Variants in WWOX observed in about 807,000 individuals in gnomAD.
The protein encoded by WWOX is WW domain-containing oxidoreductase.
WWOX carries 69 observed loss-of-function variants against 46.2 expected under a neutral mutation model. That is an observed-to-expected ratio of 1.49 (90% CI 1.23 to 1.82). The LOEUF is 1.82. WWOX is among the 40% of genes most tolerant of loss of function. The pLI is 0.00. For missense variants in WWOX, 919 were observed against 542.6 expected (o/e 1.69, Z -6.89); for synonymous variants, 359 against 202.6 (o/e 1.77, Z -6.56).
At chr16:78,836,880 G>A (rs1157153008) in intron 8 of WWOX, among the ~76,000 whole-genome samples, 1 of 152,080 alleles carries the variant, frequency 6.6e-6, no homozygotes, top group African/African-American at 2.4e-5. Flanking sequence ...GCAGTAGATG[G>A]GCTTTTGCGA....
chr16:78,560,545 G>A, intron 8 of WWOX, among the ~76,000 whole-genome samples: 1 of 152,210 alleles, frequency 6.6e-6, no homozygotes, highest in Non-Finnish European at 1.5e-5. Context: ...TTGGGAGGCT[G>A]AGGCAGGAGA....
chr16:78,590,858 G>C (rs923262645), intron 8 of WWOX, among the ~76,000 whole-genome samples: 1 of 152,184 alleles, frequency 6.6e-6, no homozygotes, highest in Non-Finnish European at 1.5e-5. Context: ...GAGTTGTTAA[G>C]AGCTCAGACT....
intron 1 of WWOX, among the ~76,000 whole-genome samples, chr16:78,102,394 G>A (rs932058638): frequency 4.6e-5 from 7 of 152,216 alleles, no homozygotes; most frequent in Non-Finnish European, 7.3e-5. Context: ...TCTGTGCCTT[G>A]CCGAGAAGCT....
chr16:78,977,688 A>T (rs528451127), intron 8 of WWOX, among the ~76,000 whole-genome samples: 44 of 152,218 alleles, frequency 2.9e-4, no homozygotes, highest in Admixed American at 3.9e-4. Context: ...GTTCTGACAG[A>T]GGGCTCGGAT....
intron 8 of WWOX, among the ~76,000 whole-genome samples, chr16:79,053,521 G>C (rs964406234): frequency 2.2e-4 from 33 of 152,162 alleles, no homozygotes; most frequent in Non-Finnish European, 4.7e-4. Context: ...GCTACGGCTT[G>C]ACTTTTTGCT....
rs111871028 is a variant in WWOX at position 78,858,330 on chromosome 16, A to ATATGTG, written c.1057-353277_1057-353276insATGTGT. On this transcript the variant is annotated intron_variant, in intron 8 of 8. Coordinates refer to ENST00000566780, the MANE Select transcript of WWOX (RefSeq NM_016373.4). ...ACCCAATATGTAGTCATATATATAT[A>ATATGTG]TGTGTGTGTGTGTGTGTATGTATAT... Among the ~76,000 whole-genome samples the ATATGTG allele has an allele frequency of 3.4e-4, 51 of 149,932 alleles. No individual in the cohort carries two copies. The East Asian group carries it at 5.0e-3, about 15-fold the overall frequency.
chr16:78,130,815 G>A (rs1480790762), intron 4 of WWOX, among the ~76,000 whole-genome samples: 3 of 152,216 alleles, frequency 2.0e-5, no homozygotes, highest in African/African-American at 7.2e-5. Flanking sequence ...CCCTGCCCTT[G>A]TGGAGGATAC....
chr16:78,463,560 G>C (rs939235790), intron 8 of WWOX, among the ~76,000 whole-genome samples: 1 of 152,174 alleles, frequency 6.6e-6, no homozygotes, highest in Non-Finnish European at 1.5e-5. Flanking sequence ...GGCTTATCAG[G>C]ATGCATAGTA....
intron 8 of WWOX, among the ~76,000 whole-genome samples, chr16:78,726,119 C>G (rs960104363): frequency 2.1e-5 from 3 of 142,286 alleles, no homozygotes; most frequent in Non-Finnish European, 3.1e-5. Context: ...CTCTCTGCCT[C>G]CCTCTCTCCC....
intron 8 of WWOX, among the ~76,000 whole-genome samples, chr16:78,541,775 T>G (rs1238307698): frequency 6.6e-6 from 1 of 152,114 alleles, no homozygotes; most frequent in East Asian, 1.9e-4. Flanking sequence ...GTCAATGGGT[T>G]AGGCACAGAC....
intron 8 of WWOX, among the ~76,000 whole-genome samples, chr16:78,604,508 C>G (rs1807594675): frequency 1.3e-5 from 2 of 152,116 alleles, no homozygotes; most frequent in African/African-American, 4.8e-5. Flanking sequence ...TTTCACCATT[C>G]TTTTGTAAAA....
At chr16:79,072,652 C>G (rs2048573076) in intron 8 of WWOX, among the ~76,000 whole-genome samples, 1 of 152,154 alleles carries the variant, frequency 6.6e-6, no homozygotes, top group African/African-American at 2.4e-5. Flanking sequence ...GTTAGCAGTA[C>G]TTGTTTTAGC....
intron 4 of WWOX, among the ~76,000 whole-genome samples, chr16:78,155,759 G>C (rs898251471): frequency 2.0e-5 from 3 of 152,098 alleles, no homozygotes; most frequent in African/African-American, 7.2e-5. Context: ...ACAAACTTTG[G>C]CACTGTGCAG....
rs562075347 is a variant in WWOX, at chr16:78,350,467, C to G, written c.517-36393C>G. Among the ~76,000 whole-genome samples, 15 of 120,970 alleles carry G rather than the reference C, an allele frequency of 1.2e-4. 5 individuals carry two copies. The highest frequency in any genetic ancestry group is 5.0e-4 in the South Asian group (2 of 4,020). The allele number at this position is 120,970 out of a possible 152,430, so 79.4% of individuals were successfully genotyped here. On this transcript the variant is annotated intron_variant, in intron 5 of 8. Coordinates refer to ENST00000566780, the MANE Select transcript of WWOX (RefSeq NM_016373.4). ...TTCCTTTTCTCTCCACTCCCAACCT[C>G]TCTCCCAGCTCCAGGTAACCACTCA...
At chr16:79,112,174 A>G (rs2049429341) in intron 8 of WWOX, among the ~76,000 whole-genome samples, 1 of 152,094 alleles carries the variant, frequency 6.6e-6, no homozygotes, top group Non-Finnish European at 1.5e-5. Flanking sequence ...TCTTTAAATA[A>G]TTAATTCTTC....
intron 8 of WWOX, among the ~76,000 whole-genome samples, chr16:78,817,523 C>G (rs1185637215): frequency 6.6e-6 from 1 of 152,156 alleles, no homozygotes; most frequent in African/African-American, 2.4e-5. Flanking sequence ...CTTGGCTGAA[C>G]TTTGCTTCAA....
At position 79,120,765 on chromosome 16, in the gene WWOX, T is replaced by C. The variant is rs562109826; in HGVS notation, c.1057-90843T>C. On this transcript the variant is annotated intron_variant, in intron 8 of 8. Coordinates refer to ENST00000566780, the MANE Select transcript of WWOX (RefSeq NM_016373.4). ...TGTCTGAAATTTCCCTCTGCGTTTA[T>C]TTTTTGTTGTTGTTTGTTTCTGAGA... is the stretch of plus-strand genomic sequence containing the variant. Among the ~76,000 whole-genome samples, 17 of 152,280 alleles carry C rather than the reference T, an allele frequency of 1.1e-4. 1 individual carries two copies. In the South Asian group the frequency reaches 2.5e-3, roughly 22 times the overall value.
At chr16:78,519,791 A>T (rs1168168393) in intron 8 of WWOX, among the ~76,000 whole-genome samples, 1 of 152,150 alleles carries the variant, frequency 6.6e-6, no homozygotes, top group Non-Finnish European at 1.5e-5. Context: ...GTGGACCCTT[A>T]CCCAACACCA....
At chr16:78,703,688 G>C (rs1346953285) in intron 8 of WWOX, among the ~76,000 whole-genome samples, 1 of 151,928 alleles carries the variant, frequency 6.6e-6, no homozygotes, top group Non-Finnish European at 1.5e-5. Flanking sequence ...AAAAAAGATG[G>C]GTAACTCGGA....
Sources: allele counts gnomAD v4.1 joint callset (sites outside exome capture counted in the v4.1 genomes callset), GRCh38; gene constraint gnomAD v4.1.1; transcripts MANE v1.5; gene names NCBI Gene and HGNC (gene_info 2026-07-23, HGNC 2026-07-21).